Variants in CHRM3 observed in about 807,000 individuals in gnomAD.
The protein encoded by CHRM3 is muscarinic acetylcholine receptor M3.
Under a neutral mutation model 41.8 loss-of-function variants are expected in CHRM3, and 11 were observed. The observed-to-expected ratio is 0.26, with a 90% CI of 0.17 to 0.44. CHRM3 has a LOEUF of 0.44. Ranked by LOEUF, CHRM3 falls within the 20% of genes least tolerant of loss-of-function variation. The probability of loss-of-function intolerance (pLI) is 1.00; values close to 1 mark genes in which losing one functional copy is unlikely to be tolerated. For missense variants in CHRM3, 571 were observed against 745.4 expected, an observed-to-expected ratio of 0.77 and a Z score of 2.72; for synonymous variants, 297 against 301.4, an observed-to-expected ratio of 0.99 and a Z score of 0.15.
intron 4 of CHRM3, among the ~76,000 whole-genome samples, chr1:239,673,561 C>T (rs113637943): frequency 3.3e-5 from 5 of 151,970 alleles, no homozygotes; most frequent in African/African-American, 4.8e-5. Flanking sequence ...TTTCATTCAA[C>T]GTATATTTTA....
At chr1:239,600,541 C>T (rs549032064) in intron 3 of CHRM3, among the ~76,000 whole-genome samples, 8 of 152,096 alleles carry the variant, frequency 5.3e-5, no homozygotes, top group African/African-American at 1.4e-4. Context: ...GAAACTAAGT[C>T]ATGTTTTAAC....
At chr1:239,635,925 C>T (rs1011228113) in intron 4 of CHRM3, among the ~76,000 whole-genome samples, 7 of 152,036 alleles carry the variant, frequency 4.6e-5, no homozygotes, top group African/African-American at 1.2e-4. Flanking sequence ...ATGTCCCCAA[C>T]GTGTCTTTTG....
Position 239,614,575 on chromosome 1 carries a change from C to A in CHRM3, c.-312-17649C>A, listed in dbSNP as rs555377140. ...ATGATGTGGATAATGGTTGTCAGGT[C>A]TTTCTTGGAGGACATGGACATAATG... is the stretch of plus-strand genomic sequence containing the variant. On this transcript the variant is annotated intron_variant, in intron 3 of 6. Coordinates refer to ENST00000676153, the MANE Select transcript of CHRM3 (RefSeq NM_001375978.1). Among the ~76,000 whole-genome samples the A allele has an allele frequency of 2.9e-3, 435 of 152,216 alleles. 4 individuals carry two copies. Among genetic ancestry groups the A allele is most frequent in the Non-Finnish European group, 5.1e-3 (350 of 68,020 alleles).
At chr1:239,881,583 A>G (rs1168680153) in intron 6 of CHRM3, among the ~76,000 whole-genome samples, 2 of 152,130 alleles carry the variant, frequency 1.3e-5, no homozygotes, top group African/African-American at 4.8e-5. Context: ...AAAACATCCG[A>G]ATCTCCAGAT....
chr1:239,477,287 A>G (rs563121426), intron 1 of CHRM3, among the ~76,000 whole-genome samples: 41 of 152,308 alleles, frequency 2.7e-4, no homozygotes, highest in Middle Eastern at 3.4e-3. Context: ...CATCTTGAGG[A>G]CTACAAAGTT....
rs117017420 is a variant in CHRM3, at chr1:239,799,993, T to C, written c.-146-27259T>C. 2.8e-4 allele frequency among the ~76,000 whole-genome samples: 42 copies of C among 152,318 alleles called. No homozygotes were observed. In the East Asian group the frequency reaches 7.5e-3, roughly 27 times the overall value. On this transcript the variant is annotated intron_variant, in intron 5 of 6. Coordinates refer to ENST00000676153, the MANE Select transcript of CHRM3 (RefSeq NM_001375978.1). ...CTATTAAAATACATTATTTCATTAT[T>C]TCTTCTTCATATCAGGTAGCTTTTT...
chr1:239,445,787 C>T (rs1664080859), intron 1 of CHRM3, among the ~76,000 whole-genome samples: 1 of 152,110 alleles, frequency 6.6e-6, no homozygotes, highest in South Asian at 2.1e-4. Context: ...AATATGAATG[C>T]TATCTACTCA....
intron 6 of CHRM3, among the ~76,000 whole-genome samples, chr1:239,859,819 T>TATA (rs1675465542): frequency 8.4e-5 from 11 of 131,422 alleles, no homozygotes; most frequent in African/African-American, 3.0e-4. Flanking sequence ...TCTAAGTGTT[T>TATA]TATATATATA....
chr1:239,784,208 G>T (rs1212178069), intron 5 of CHRM3, among the ~76,000 whole-genome samples: 1 of 151,732 alleles, frequency 6.6e-6, no homozygotes, highest in East Asian at 1.9e-4. Flanking sequence ...AACTTTTCTT[G>T]CTCTGAGGTC....
chr1:239,685,023 C>G (rs1217846686), intron 5 of CHRM3, among the ~76,000 whole-genome samples: 1 of 152,224 alleles, frequency 6.6e-6, no homozygotes, highest in Non-Finnish European at 1.5e-5. Context: ...TGTATCCTCT[C>G]TTGCTCTAGG....
intron 1 of CHRM3, among the ~76,000 whole-genome samples, chr1:239,408,860 A>T (rs1349056222): frequency 6.6e-6 from 1 of 151,228 alleles, no homozygotes; most frequent in Non-Finnish European, 1.5e-5. Context: ...GGACTCAAGC[A>T]GTCCTCCCGC....
intron 2 of CHRM3, among the ~76,000 whole-genome samples, chr1:239,494,583 T>C (rs191161605): frequency 2.6e-5 from 4 of 152,296 alleles, no homozygotes; most frequent in African/African-American, 9.6e-5. Flanking sequence ...ATGTGCAAGA[T>C]GTGCAGGTCT....
At chr1:239,391,711 G>A (rs1290985273) in intron 1 of CHRM3, among the ~76,000 whole-genome samples, 2 of 152,194 alleles carry the variant, frequency 1.3e-5, no homozygotes, top group Non-Finnish European at 2.9e-5. Context: ...GCCCCTGCCA[G>A]CTTCTCACCA....
At chr1:239,633,260 C>G (rs958840090) in intron 4 of CHRM3, among the ~76,000 whole-genome samples, 2 of 152,150 alleles carry the variant, frequency 1.3e-5, no homozygotes, top group Admixed American at 6.5e-5. Context: ...CGTGAGCCAC[C>G]GCACCCAGCT....
intron 5 of CHRM3, among the ~76,000 whole-genome samples, chr1:239,796,163 A>G (rs1343942928): frequency 1.3e-5 from 2 of 152,160 alleles, no homozygotes; most frequent in Non-Finnish European, 2.9e-5. Context: ...TTGTCTTCCT[A>G]GAAGAGCATC....
chr1:239,482,220 C>T (rs1248282570), intron 1 of CHRM3, among the ~76,000 whole-genome samples: 1 of 152,146 alleles, frequency 6.6e-6, no homozygotes, highest in Non-Finnish European at 1.5e-5. Flanking sequence ...TTATGAGCCA[C>T]TCTGCTTACT....
chr1:239,466,377 TG>T (rs1665733498), intron 1 of CHRM3, among the ~76,000 whole-genome samples: 1 of 152,158 alleles, frequency 6.6e-6, no homozygotes, highest in Admixed American at 6.6e-5. Flanking sequence ...CTTAACTTAC[TG>T]TAAGAATACA....
intron 5 of CHRM3, among the ~76,000 whole-genome samples, chr1:239,755,151 C>T (rs913004408): frequency 1.3e-5 from 2 of 152,052 alleles, no homozygotes; most frequent in East Asian, 3.9e-4. Context: ...CTTCTATTAC[C>T]CAGGTTAAAG....
chr1:239,708,510 A>T (rs1358941249), intron 5 of CHRM3, among the ~76,000 whole-genome samples: 2 of 151,922 alleles, frequency 1.3e-5, no homozygotes, highest in African/African-American at 4.8e-5. Context: ...TTTCCTAACT[A>T]TCCTACGTAA....
Sources: allele counts gnomAD v4.1 joint callset (sites outside exome capture counted in the v4.1 genomes callset), GRCh38; gene constraint gnomAD v4.1.1; transcripts MANE v1.5; gene names NCBI Gene and HGNC (gene_info 2026-07-23, HGNC 2026-07-21).